Variants in BMPER observed in about 807,000 individuals in gnomAD.
BMPER encodes BMP binding endothelial regulator.
BMPER carries 45 observed loss-of-function variants against 87.3 expected under a neutral mutation model. That is an observed-to-expected ratio of 0.52 (90% CI 0.41 to 0.66). The LOEUF is 0.66. Ranked by LOEUF, BMPER falls within the 30% of genes least tolerant of loss-of-function variation. The pLI is 0.00. For missense variants in BMPER, 784 were observed against 867.5 expected, an observed-to-expected ratio of 0.90 and a Z score of 1.21; for synonymous variants, 326 against 316.2, an observed-to-expected ratio of 1.03 and a Z score of -0.33.
chr7:34,127,900 G>A (rs938070931), intron 13 of BMPER, among the ~76,000 whole-genome samples: 8 of 152,042 alleles, frequency 5.3e-5, no homozygotes, highest in South Asian at 2.1e-4. Flanking sequence ...TTTTCTCCAC[G>A]TCTTCCATTC....
intron 2 of BMPER, among the ~76,000 whole-genome samples, chr7:33,914,187 G>A (rs1465619182): frequency 6.6e-6 from 1 of 151,960 alleles, no homozygotes; most frequent in African/African-American, 2.4e-5. Context: ...GGATGGTCTC[G>A]ATCTCCTGAC....
intron 6 of BMPER, among the ~76,000 whole-genome samples, chr7:33,993,904 T>C (rs1213332161): frequency 6.6e-6 from 1 of 152,218 alleles, no homozygotes. Flanking sequence ...GTGCCCCTGC[T>C]GGAGGGTGCC....
At chr7:34,100,683 C>T (rs1409853405) in intron 13 of BMPER, among the ~76,000 whole-genome samples, 1 of 152,186 alleles carries the variant, frequency 6.6e-6, no homozygotes, top group African/African-American at 2.4e-5. Context: ...TCTCTTTGCT[C>T]TCAAAGGGAT....
chr7:33,912,015 C>T (rs1783976548), intron 2 of BMPER, among the ~76,000 whole-genome samples: 1 of 152,168 alleles, frequency 6.6e-6, no homozygotes, highest in South Asian at 2.1e-4. Context: ...TCTGTCCCTC[C>T]AGGCTTGGAC....
At chr7:33,991,867 G>A (rs1786229400) in intron 6 of BMPER, among the ~76,000 whole-genome samples, 1 of 142,726 alleles carries the variant, frequency 7.0e-6, no homozygotes, top group Non-Finnish European at 1.5e-5. Flanking sequence ...CCTTCATTTC[G>A]TTATGTACCC....
At position 33,975,990 on chromosome 7, in the gene BMPER, C is replaced by A. The variant is rs142315732; in HGVS notation, c.576+1206C>A. Among the ~76,000 whole-genome samples, 1,307 of 151,626 alleles carry A rather than the reference C, an allele frequency of 8.6e-3. 16 individuals are homozygous for A. The highest frequency in any genetic ancestry group is 0.03 in the African/African-American group (1,236 of 41,292). On this transcript the variant is annotated intron_variant, in intron 6 of 14. Coordinates refer to ENST00000649409, the MANE Select transcript of BMPER (RefSeq NM_001365308.1). ...AGTATATATGTATATCTCTATATAT[C>A]TAGATATAAAACATATGTAATATAC...
intron 13 of BMPER, among the ~76,000 whole-genome samples, chr7:34,115,638 G>T (rs1023788297): frequency 2.0e-5 from 3 of 152,112 alleles, no homozygotes; most frequent in African/African-American, 7.2e-5. Context: ...TGTGTTCAAG[G>T]TTCATCCATA....
intron 12 of BMPER, among the ~76,000 whole-genome samples, chr7:34,080,695 C>T (rs573622847): frequency 5.9e-5 from 9 of 152,242 alleles, no homozygotes; most frequent in African/African-American, 2.2e-4. Context: ...ATTAAAAGCA[C>T]CTTGACTATT....
intron 7 of BMPER, among the ~76,000 whole-genome samples, chr7:34,046,928 T>TTA (rs5883442): frequency 0.01 from 1,357 of 134,254 alleles, 13 homozygotes; most frequent in African/African-American, 0.032. Context: ...GGCACTTTAT[T>TTA]TTTTTTTTTT....
intron 6 of BMPER, among the ~76,000 whole-genome samples, chr7:33,990,975 C>A (rs1267881084): frequency 7.5e-6 from 1 of 132,580 alleles, no homozygotes; most frequent in African/African-American, 2.8e-5. Context: ...CCCACTTGAT[C>A]ATGGTGGATA....
chr7:33,996,953 G>A (rs1189404804), intron 6 of BMPER, among the ~76,000 whole-genome samples: 2 of 152,042 alleles, frequency 1.3e-5, no homozygotes, highest in African/African-American at 2.4e-5. Context: ...GTGCTCAATC[G>A]CACATGTGGC....
chr7:34,016,339 C>T (rs559865846), intron 6 of BMPER, among the ~76,000 whole-genome samples: 2 of 151,984 alleles, frequency 1.3e-5, no homozygotes, highest in South Asian at 4.2e-4. Context: ...TTGCAAGTGC[C>T]CATAATCCCT....
At chr7:34,005,443 A>AT (rs1042963857) in intron 6 of BMPER, among the ~76,000 whole-genome samples, 40 of 151,528 alleles carry the variant, frequency 2.6e-4, no homozygotes, top group East Asian at 2.1e-3. Flanking sequence ...GACTTTTTAC[A>AT]TTTTTTTTAA....
intron 2 of BMPER, among the ~76,000 whole-genome samples, chr7:33,929,900 CTA>C (rs1254848378): frequency 1.3e-5 from 2 of 152,228 alleles, no homozygotes; most frequent in Admixed American, 6.5e-5. Context: ...CTGGAAAACA[CTA>C]TGTTACTTCA....
At chr7:33,962,371 CATT>C (rs1478367732) in intron 3 of BMPER, among the ~76,000 whole-genome samples, 3 of 152,122 alleles carry the variant, frequency 2.0e-5, no homozygotes, top group Admixed American at 1.3e-4. Flanking sequence ...GGTTTAGGCT[CATT>C]GTTGTATTAT....
Position 34,039,774 on chromosome 7 carries a change from A to G in BMPER, c.577-6532A>G, listed in dbSNP as rs552414264. ...TCTGTTAATGTTTTTAAAGTATTAT[A>G]TGCTCTGGGGCAGTAAGTGCACTGC... On this transcript the variant is annotated intron_variant, in intron 6 of 14. Coordinates refer to ENST00000649409, the MANE Select transcript of BMPER (RefSeq NM_001365308.1). 1.2e-3 allele frequency among the ~76,000 whole-genome samples: 184 copies of G among 152,206 alleles called. 1 individual carries two copies. The highest frequency in any genetic ancestry group is 0.01 in the Middle Eastern group (3 of 294).
chr7:34,119,455 G>A (rs929838508), intron 13 of BMPER, among the ~76,000 whole-genome samples: 1 of 152,088 alleles, frequency 6.6e-6, no homozygotes, highest in African/African-American at 2.4e-5. Context: ...TACTTCTAGT[G>A]GTTGAAAACA....
chr7:33,998,601 A>T (rs1786484442), intron 6 of BMPER, among the ~76,000 whole-genome samples: 4 of 152,192 alleles, frequency 2.6e-5, no homozygotes, highest in Admixed American at 2.6e-4. Flanking sequence ...CAAACACTTC[A>T]AACAAACCTC....
chr7:34,048,367 C>T (rs1412574131), intron 7 of BMPER, among the ~76,000 whole-genome samples: 1 of 152,110 alleles, frequency 6.6e-6, no homozygotes, highest in Non-Finnish European at 1.5e-5. Flanking sequence ...TACACACACA[C>T]ACATGTTTAA....
Sources: allele counts gnomAD v4.1 joint callset (sites outside exome capture counted in the v4.1 genomes callset), GRCh38; gene constraint gnomAD v4.1.1; transcripts MANE v1.5; gene names NCBI Gene and HGNC (gene_info 2026-07-23, HGNC 2026-07-21).